IL7: variants seen among roughly 807,000 people sequenced by gnomAD.
The protein encoded by IL7 is interleukin 7.
IL7 carries 3 observed loss-of-function variants against 21.6 expected under a neutral mutation model. The ratio of observed to expected loss-of-function variants is 0.14; its 90% CI spans 0.06 to 0.36. The LOEUF is 0.36. Ranked by LOEUF, IL7 falls within the 10% of genes least tolerant of loss-of-function variation. The pLI, the probability that IL7 is intolerant of heterozygous loss-of-function variation, is 1.00. For missense variants in IL7, 175 were observed against 200.2 expected, an observed-to-expected ratio of 0.87 and a Z score of 0.76; for synonymous variants, 62 against 68.1, an observed-to-expected ratio of 0.91 and a Z score of 0.44.
At chr8:78,764,507 AAGTC>A (rs1214649823) in intron 2 of IL7, among the ~76,000 whole-genome samples, 1 of 152,076 alleles carries the variant, frequency 6.6e-6, no homozygotes, top group Non-Finnish European at 1.5e-5. Context: ...CAAGAGAAAT[AAGTC>A]AATCACTTTT....
chr8:78,682,729 C>A (rs1417949771), intron 4 of IL7, among the ~76,000 whole-genome samples: 2 of 152,114 alleles, frequency 1.3e-5, no homozygotes, highest in Non-Finnish European at 2.9e-5. Flanking sequence ...CAACAGTCCC[C>A]CAAAGTCTTA....
At chr8:78,735,618 A>G (rs893735566) in intron 5 of IL7, among the ~76,000 whole-genome samples, 3 of 151,920 alleles carry the variant, frequency 2.0e-5, no homozygotes, top group African/African-American at 7.2e-5. Flanking sequence ...TTTCTTTTCT[A>G]AACTTTCCAA....
chr8:78,676,265 G>A (rs1809576330), intron 4 of IL7, among the ~76,000 whole-genome samples: 1 of 151,902 alleles, frequency 6.6e-6, no homozygotes, highest in Admixed American at 6.6e-5. Context: ...AAAATGTTGG[G>A]AGTTGTTGAA....
At chr8:78,762,181 T>C in intron 2 of IL7, 1 of 1,593,244 alleles carries the variant, frequency 6.3e-7, no homozygotes, top group Non-Finnish European at 8.6e-7. Flanking sequence ...ATATTGTTGG[T>C]ATTGCATTAT....
intron 1 of IL7, among the ~76,000 whole-genome samples, chr8:78,798,837 C>A (rs1470201341): frequency 6.6e-6 from 1 of 152,008 alleles, no homozygotes; most frequent in Non-Finnish European, 1.5e-5. Flanking sequence ...GTCTCTGAGT[C>A]CCCAGAGACC....
chr8:78,743,141 G>T (rs941176583), intron 2 of IL7, among the ~76,000 whole-genome samples: 1 of 152,046 alleles, frequency 6.6e-6, no homozygotes, highest in African/African-American at 2.4e-5. Flanking sequence ...GTCCATTATT[G>T]ATGGCCATTT....
chr8:78,681,394 G>C (rs1809773732), intron 4 of IL7, among the ~76,000 whole-genome samples: 1 of 152,182 alleles, frequency 6.6e-6, no homozygotes, highest in Non-Finnish European at 1.5e-5. Context: ...TAATCACAGA[G>C]CAGATGAATG....
intron 2 of IL7, among the ~76,000 whole-genome samples, chr8:78,750,487 T>C (rs887988878): frequency 2.6e-5 from 4 of 152,088 alleles, no homozygotes; most frequent in African/African-American, 9.7e-5. Flanking sequence ...GACTTACCTA[T>C]GGCCATGAGG....
chr8:78,779,405 T>A lies in IL7; in HGVS notation c.147+18667A>T, dbSNP rs145742357. On this transcript the variant is annotated intron_variant, in intron 2 of 5. Transcript: ENST00000263851. ...AAATGGCTCTTGTTATTTTGAGGTA[T>A]GTTCCATCAATATCTAGTTTATTGA... Among the ~76,000 whole-genome samples, 761 of 152,274 alleles carry A rather than the reference T, an allele frequency of 5.0e-3. 10 individuals are homozygous for A. Among genetic ancestry groups the A allele is most frequent in the African/African-American group, 0.018 (734 of 41,564 alleles).
At chr8:78,761,383 T>C in intron 2 of IL7, 2 of 1,611,346 alleles carry the variant, frequency 1.2e-6, no homozygotes, top group South Asian at 2.2e-5. Flanking sequence ...GATATTTCTC[T>C]AAAAGTCTAG....
downstream of IL7, among the ~76,000 whole-genome samples, chr8:78,729,785 T>C (rs1273452138): frequency 6.6e-6 from 1 of 152,046 alleles, no homozygotes; most frequent in Non-Finnish European, 1.5e-5. Context: ...AGATTGTCTT[T>C]CCAATTAAAG....
chr8:78,678,467 C>A, intron 4 of IL7: 1 of 867,012 alleles, frequency 1.2e-6, no homozygotes, highest in Non-Finnish European at 1.8e-6. Context: ...TTCATTTGGT[C>A]TCAGATTTTT....
intron 3 of IL7, chr8:78,723,690 C>T (rs1554596240): frequency 6.0e-6 from 1 of 166,636 alleles, no homozygotes; most frequent in Non-Finnish European, 1.5e-5. Flanking sequence ...TGAGTATATA[C>T]AGAACTGCTG....
intron 2 of IL7, chr8:78,760,258 T>C (rs1812504791): frequency 1.9e-6 from 3 of 1,606,846 alleles, no homozygotes; most frequent in Admixed American, 1.7e-5. Flanking sequence ...AAATTTATGT[T>C]AAGCAAAGCC....
At chr8:78,770,814 AT>A (rs1340885780) in intron 2 of IL7, among the ~76,000 whole-genome samples, 3 of 152,118 alleles carry the variant, frequency 2.0e-5, no homozygotes, top group African/African-American at 7.2e-5. Flanking sequence ...CTATCCAGTG[AT>A]TATATAATAA....
chr8:78,797,529 G>A (rs1813900058), intron 2 of IL7, among the ~76,000 whole-genome samples: 2 of 151,874 alleles, frequency 1.3e-5, no homozygotes, highest in Non-Finnish European at 2.9e-5. Flanking sequence ...GAATTTTCTA[G>A]AAACCTAAGT....
intron 2 of IL7, among the ~76,000 whole-genome samples, chr8:78,741,474 G>C (rs564845388): frequency 2.6e-5 from 4 of 152,262 alleles, no homozygotes; most frequent in Admixed American, 2.6e-4. Flanking sequence ...GGTGAAACGT[G>C]TAGCTACTCT....
At chr8:78,732,757 C>T (rs1811449839), downstream of IL7, 2 of 152,084 alleles carry the variant, frequency 1.3e-5, no homozygotes, top group Non-Finnish European at 2.9e-5. Flanking sequence ...GATTTATTAA[C>T]TGAATCTGGC....
intron 6 of IL7, chr8:78,718,550 C>G (rs1285595864): frequency 4.0e-5 from 6 of 151,804 alleles, no homozygotes; most frequent in Admixed American, 3.3e-4. Flanking sequence ...AAGAGAATAT[C>G]TAATTTTCCT....
Sources: gnomAD v4.1 joint callset for allele counts (sites outside exome capture counted in the v4.1 genomes callset) on GRCh38, gnomAD v4.1.1 for gene constraint, MANE v1.5 for transcripts, NCBI Gene and HGNC (gene_info 2026-07-23, HGNC 2026-07-21) for gene names.